Variants in RABGAP1L observed in about 807,000 individuals in gnomAD.
RABGAP1L encodes rab GTPase-activating protein 1-like.
Under a neutral mutation model 137.7 loss-of-function variants are expected in RABGAP1L, and 63 were observed. The ratio of observed to expected loss-of-function variants is 0.46; its 90% CI spans 0.37 to 0.56. The LOEUF (loss-of-function observed/expected upper bound fraction) is 0.56. RABGAP1L is among the 20% of genes least tolerant of loss of function. RABGAP1L has a pLI of 0.00. For missense variants in RABGAP1L, 1,095 were observed against 1,244.0 expected (o/e 0.88, Z 1.80); for synonymous variants, 431 against 433.7 (o/e 0.99, Z 0.08).
At chr1:174,646,442 T>C (rs1674974018) in intron 14 of RABGAP1L, among the ~76,000 whole-genome samples, 1 of 152,188 alleles carries the variant, frequency 6.6e-6, no homozygotes, top group South Asian at 2.1e-4. Context: ...CTAGCCAGTT[T>C]TCCCAACACC....
chr1:174,951,735 G>A (rs1369988396), intron 19 of RABGAP1L, among the ~76,000 whole-genome samples: 2 of 152,086 alleles, frequency 1.3e-5, no homozygotes, highest in Non-Finnish European at 2.9e-5. Flanking sequence ...ACAGGCAGCC[G>A]CTACTGACAT....
chr1:174,584,473 A>G (rs531864680), intron 13 of RABGAP1L, among the ~76,000 whole-genome samples: 14 of 152,296 alleles, frequency 9.2e-5, no homozygotes, highest in Non-Finnish European at 1.6e-4. Flanking sequence ...CATGCCTGCA[A>G]TCCTGGTGCT....
intron 1 of RABGAP1L, among the ~76,000 whole-genome samples, chr1:174,208,013 G>T (rs1668618079): frequency 6.6e-6 from 1 of 152,104 alleles, no homozygotes; most frequent in African/African-American, 2.4e-5. Context: ...CATGAACATT[G>T]AATATCTCTA....
At chr1:174,180,990 A>G (rs1470917653) in intron 1 of RABGAP1L, among the ~76,000 whole-genome samples, 1 of 152,204 alleles carries the variant, frequency 6.6e-6, no homozygotes, top group Non-Finnish European at 1.5e-5. Flanking sequence ...TAATTCACAG[A>G]CGAGAAAACA....
chr1:174,628,402 G>T, intron 13 of RABGAP1L, among the ~76,000 whole-genome samples: 1 of 151,990 alleles, frequency 6.6e-6, no homozygotes, highest in East Asian at 1.9e-4. Context: ...TTAAACAGTT[G>T]AATAATGGTT....
At chr1:174,465,005 T>C (rs1355406624) in intron 13 of RABGAP1L, among the ~76,000 whole-genome samples, 2 of 152,114 alleles carry the variant, frequency 1.3e-5, no homozygotes, top group Non-Finnish European at 2.9e-5. Context: ...AATCTTCCTA[T>C]TGATCCTATT....
chr1:174,256,426 C>T (rs1475413008), intron 7 of RABGAP1L, among the ~76,000 whole-genome samples: 1 of 152,024 alleles, frequency 6.6e-6, no homozygotes, highest in Non-Finnish European at 1.5e-5. Context: ...TGATTTCTTC[C>T]CACTATGATT....
chr1:174,800,740 G>T (rs1406668451), intron 18 of RABGAP1L, among the ~76,000 whole-genome samples: 1 of 152,092 alleles, frequency 6.6e-6, no homozygotes, highest in African/African-American at 2.4e-5. Flanking sequence ...CACATTAGTG[G>T]CATTATCTCT....
At chr1:174,614,183 C>T (rs1185298754) in intron 13 of RABGAP1L, among the ~76,000 whole-genome samples, 1 of 152,152 alleles carries the variant, frequency 6.6e-6, no homozygotes, top group Non-Finnish European at 1.5e-5. Flanking sequence ...CATGATTTTG[C>T]AGTGGCTGGT....
chr1:174,541,323 C>G (rs1393379856), intron 13 of RABGAP1L, among the ~76,000 whole-genome samples: 3 of 152,130 alleles, frequency 2.0e-5, no homozygotes, highest in Non-Finnish European at 4.4e-5. Flanking sequence ...ACTTCCAACA[C>G]TATGTTGAAT....
chr1:174,642,712 TTCTC>T (rs139747914), intron 14 of RABGAP1L, among the ~76,000 whole-genome samples: 1 of 142,714 alleles, frequency 7.0e-6, no homozygotes, highest in African/African-American at 2.6e-5. Flanking sequence ...TCTTTTCTTT[TTCTC>T]TCTCTCTCTC....
chr1:174,540,776 G>T (rs1356535466), intron 13 of RABGAP1L, among the ~76,000 whole-genome samples: 2 of 152,186 alleles, frequency 1.3e-5, no homozygotes, highest in Non-Finnish European at 2.9e-5. Context: ...TGGCAATGTG[G>T]GTTCTTTTTT....
Position 174,989,976 on chromosome 1 carries a change from C to T in RABGAP1L, c.3131C>T (p.Thr1044Ile), listed in dbSNP as rs1341670921. The T allele has an allele frequency of 1.8e-5, 28 of 1,547,338 alleles. No homozygotes were observed. The highest frequency in any genetic ancestry group is 2.4e-5 in the Non-Finnish European group (28 of 1,144,066). ...CAGCCATTGCAGCCAGCACCGGTCA[C>T]CCAGCCACCCAAGGAGAGCACATAG... is the stretch of plus-strand genomic sequence containing the variant. The part of the protein sequence containing the change: ...GTQPLQPAPV[T>I]QPPKEST The change falls in exon 26 of 26, where the codon ACC becomes ATC. Residue 1044 changes from threonine (T) to isoleucine (I), a missense_variant. Coordinates refer to ENST00000681986, the MANE Select transcript of RABGAP1L (RefSeq NM_001366446.1).
chr1:174,393,813 G>T (rs1294990664), intron 12 of RABGAP1L, among the ~76,000 whole-genome samples, 182 bp from the exon 13 acceptor site: 1 of 152,086 alleles, frequency 6.6e-6, no homozygotes, highest in Non-Finnish European at 1.5e-5. Context: ...AAGAAGATGA[G>T]ATCAATAAAA....
At chr1:174,871,195 G>T (rs983618240) in intron 19 of RABGAP1L, among the ~76,000 whole-genome samples, 2 of 151,806 alleles carry the variant, frequency 1.3e-5, no homozygotes, top group African/African-American at 2.4e-5. Context: ...ACAGAGTCTT[G>T]CTGTGTCACC....
chr1:174,304,317 T>G (rs981551807), intron 10 of RABGAP1L, among the ~76,000 whole-genome samples: 5 of 152,054 alleles, frequency 3.3e-5, no homozygotes, highest in African/African-American at 7.2e-5. Flanking sequence ...TGTATAAAAT[T>G]TGTAATTTGG....
At chr1:174,771,294 T>C (rs1199523892) in intron 18 of RABGAP1L, among the ~76,000 whole-genome samples, 1 of 152,218 alleles carries the variant, frequency 6.6e-6, no homozygotes, top group Non-Finnish European at 1.5e-5. Context: ...CAGGGAAGCA[T>C]GCTCTAAATT....
intron 19 of RABGAP1L, among the ~76,000 whole-genome samples, chr1:174,880,080 A>G (rs867547436): frequency 2.4e-5 from 3 of 122,776 alleles, no homozygotes; most frequent in Non-Finnish European, 4.4e-5. Context: ...AAAAAAAAGG[A>G]AAAAAAAACA....
intron 15 of RABGAP1L, among the ~76,000 whole-genome samples, chr1:174,698,325 AT>A (rs1679407230): frequency 1.3e-5 from 2 of 152,154 alleles, no homozygotes; most frequent in South Asian, 4.1e-4. Flanking sequence ...TTCAGACTTT[AT>A]TCCCTGTTCA....
Sources: allele counts gnomAD v4.1 joint callset (sites outside exome capture counted in the v4.1 genomes callset), GRCh38; gene constraint gnomAD v4.1.1; transcripts MANE v1.5; gene names NCBI Gene and HGNC (gene_info 2026-07-23, HGNC 2026-07-21).